The following ERBB4 variants were observed in gnomAD, a reference collection of about 807,000 sequenced individuals.
The protein encoded by ERBB4 is erb-b2 receptor tyrosine kinase 4.
A neutral mutation model predicts 158.0 loss-of-function variants in ERBB4; 42 were observed. The ratio of observed to expected loss-of-function variants is 0.27; its 90% CI spans 0.21 to 0.34. The LOEUF (loss-of-function observed/expected upper bound fraction) is 0.34, where lower values mean the gene tolerates loss of function less well. Among genes scored for constraint, ERBB4 ranks in the 10% least tolerant of loss-of-function variants. The pLI, the probability that ERBB4 is intolerant of heterozygous loss-of-function variation, is 1.00. For missense variants in ERBB4, 1,333 were observed against 1,624.1 expected (o/e 0.82, Z 3.08); for synonymous variants, 583 against 558.7 (o/e 1.04, Z -0.61).
rs1267676755 is a variant in ERBB4, at chr2:211,894,249, G to A, written c.421+53181C>T. Among the ~76,000 whole-genome samples, 92 of 142,272 alleles carry A rather than the reference G, an allele frequency of 6.5e-4. 1 individual carries two copies. The highest frequency in any genetic ancestry group is 1.8e-3 in the African/African-American group (66 of 37,450). The allele number at this position is 142,272 out of a possible 152,430, so 93.3% of individuals were successfully genotyped here. A position where few individuals can be genotyped will look rare whatever the true frequency, so the allele number is the denominator to read the frequency against. On this transcript the variant is annotated intron_variant, in intron 3 of 27. Transcript: ENST00000342788. ...TGCAGCCATAAAAAATGATGAGTTC[G>A]TGTCCTTTGTAGGGACATGGATGAA... is the stretch of plus-strand genomic sequence containing the variant.
Position 211,420,489 on chromosome 2 carries a change from G to A in ERBB4, c.3087C>T (p.Asn1029=). 1 of 1,612,710 alleles carries A rather than the reference G, an allele frequency of 6.2e-7. No homozygotes were observed. The highest frequency in any genetic ancestry group is 8.5e-7 in the Non-Finnish European group (1 of 1,179,028). The part of the protein sequence containing the change: ...AEEYLVPQAF[N]IPPPIYTSRA... Reference sequence around the variant, plus strand: ...TGGAAGTATAGATGGGAGGTGGGATGTTGAAAGCCTGAGGGACCAAGTACT... The same window carrying A: ...TGGAAGTATAGATGGGAGGTGGGATATTGAAAGCCTGAGGGACCAAGTACT... The change falls in exon 25 of 28, where the codon AAC becomes AAT. Residue 1029 remains asparagine, a synonymous_variant. Coordinates refer to ENST00000342788, the MANE Select transcript of ERBB4 (RefSeq NM_005235.3).
At chr2:212,390,529 T>C (rs2090824742) in intron 1 of ERBB4, among the ~76,000 whole-genome samples, 1 of 151,820 alleles carries the variant, frequency 6.6e-6, no homozygotes, top group African/African-American at 2.4e-5. Flanking sequence ...TTGCTTCATT[T>C]ATATTGCTCA....
intron 20 of ERBB4, among the ~76,000 whole-genome samples, chr2:211,495,104 C>CA (rs949354853): frequency 6.6e-6 from 1 of 150,768 alleles, no homozygotes; most frequent in Non-Finnish European, 1.5e-5. Context: ...GAAAAAGTAG[C>CA]AAAAAAAAGT....
chr2:212,068,021 G>A (rs1336447029), intron 2 of ERBB4, among the ~76,000 whole-genome samples: 1 of 152,022 alleles, frequency 6.6e-6, no homozygotes, highest in South Asian at 2.1e-4. Context: ...TAGACTTCTT[G>A]CCTATCTCAT....
At chr2:211,412,542 T>C (rs1459971346) in intron 25 of ERBB4, among the ~76,000 whole-genome samples, 1 of 152,214 alleles carries the variant, frequency 6.6e-6, no homozygotes, top group African/African-American at 2.4e-5. Flanking sequence ...TCAACTAGAA[T>C]ATTAACTCTT....
Position 211,422,856 on chromosome 2 carries a change from A to C in ERBB4, c.2867-752T>G, listed in dbSNP as rs536177543. Among the ~76,000 whole-genome samples, 5 of 151,966 alleles carry C rather than the reference A, an allele frequency of 3.3e-5. No individual in the cohort carries two copies. The East Asian group carries it at 9.6e-4, about 29-fold the overall frequency. On this transcript the variant is annotated intron_variant, in intron 23 of 27. Transcript: ENST00000342788. ...ATGAGTTTAAATCATTTCCTATGCT[A>C]GTTACAGGATTAAATTATATAAGAC...
Position 211,642,801 on chromosome 2 carries a change from C to T in ERBB4, c.1947-12207G>A, listed in dbSNP as rs184985555. ...AACCCTTGAAAGCACATATATCCAA[C>T]AACAATCTCAGAGCTCCCTATATGT... On this transcript the variant is annotated intron_variant, in intron 16 of 27. Transcript: ENST00000342788. Among the ~76,000 whole-genome samples, 56 of 152,148 alleles carry T rather than the reference C, an allele frequency of 3.7e-4. 1 individual carries two copies. In the South Asian group the frequency reaches 3.7e-3, roughly 10 times the overall value.
intron 20 of ERBB4, among the ~76,000 whole-genome samples, chr2:211,499,000 A>G (rs2065546457): frequency 6.6e-6 from 1 of 152,140 alleles, no homozygotes; most frequent in African/African-American, 2.4e-5. Flanking sequence ...CGAAGACAGT[A>G]GCCTCACCTG....
At chr2:211,924,213 C>A (rs2079954738) in intron 3 of ERBB4, among the ~76,000 whole-genome samples, 1 of 152,160 alleles carries the variant, frequency 6.6e-6, no homozygotes, top group South Asian at 2.1e-4. Context: ...CCATAGCACA[C>A]ACTAAAACTT....
At chr2:212,446,914 G>A (rs2106003597) in intron 1 of ERBB4, among the ~76,000 whole-genome samples, 1 of 150,106 alleles carries the variant, frequency 6.7e-6, no homozygotes, top group South Asian at 2.1e-4. Context: ...GAAGTTAATA[G>A]GAGGAAATAA....
intron 2 of ERBB4, among the ~76,000 whole-genome samples, chr2:212,105,337 A>G (rs1349874406): frequency 1.3e-5 from 2 of 152,228 alleles, no homozygotes; most frequent in Non-Finnish European, 2.9e-5. Context: ...AATAGTTTAC[A>G]TAGCACTGAA....
Position 212,446,679 on chromosome 2 carries a change from C to G in ERBB4, c.82+91770G>C, listed in dbSNP as rs575242317. On this transcript the variant is annotated intron_variant, in intron 1 of 27. Transcript: ENST00000342788. ...CCTCTAGAGAACCCTGACTAATACA[C>G]CAGGGTATGTGAAAACTTAGCATAG... Among the ~76,000 whole-genome samples the G allele has an allele frequency of 8.1e-5, 10 of 124,158 alleles. 1 individual carries two copies. The highest frequency in any genetic ancestry group is 1.5e-4 in the Non-Finnish European group (9 of 59,078). The allele number at this position is 124,158 out of a possible 152,430, so 81.5% of individuals were successfully genotyped here. A position where few individuals can be genotyped will look rare whatever the true frequency, so the allele number is the denominator to read the frequency against.
At chr2:211,614,300 T>TAAATA (rs1211326617) in intron 19 of ERBB4, among the ~76,000 whole-genome samples, 1 of 151,834 alleles carries the variant, frequency 6.6e-6, no homozygotes, top group Non-Finnish European at 1.5e-5. Flanking sequence ...TGGGGATGGT[T>TAAATA]AAATAAAATA....
intron 1 of ERBB4, among the ~76,000 whole-genome samples, chr2:212,209,615 C>T (rs574415059): frequency 6.6e-6 from 1 of 152,118 alleles, no homozygotes; most frequent in Admixed American, 6.6e-5. Context: ...TAGTGTTCCC[C>T]CAAAATTCAT....
At chr2:212,055,476 C>G (rs368538081) in intron 2 of ERBB4, among the ~76,000 whole-genome samples, 6 of 152,342 alleles carry the variant, frequency 3.9e-5, no homozygotes, top group African/African-American at 1.2e-4. Context: ...GGATAGACAG[C>G]CCCCTCAAGT....
At chr2:211,865,174 A>C (rs530624876) in intron 3 of ERBB4, among the ~76,000 whole-genome samples, 1 of 151,702 alleles carries the variant, frequency 6.6e-6, no homozygotes, top group South Asian at 2.1e-4. Flanking sequence ...TAAAGTATAT[A>C]TCTATACCTA....
intron 10 of ERBB4, 121 bp from the exon 11 acceptor site, chr2:211,704,315 A>G: frequency 1.4e-6 from 1 of 718,068 alleles, no homozygotes; most frequent in Non-Finnish European, 2.6e-6. Flanking sequence ...GGTAGTGAAC[A>G]TTTCTATTTT....
At chr2:211,422,782 A>G (rs1259252644) in intron 23 of ERBB4, among the ~76,000 whole-genome samples, 2 of 152,046 alleles carry the variant, frequency 1.3e-5, no homozygotes, top group Admixed American at 1.3e-4. Context: ...CCATTAGGGA[A>G]AGTGTTTTCT....
chr2:211,449,204 C>A (rs1052971880), intron 20 of ERBB4, among the ~76,000 whole-genome samples: 4 of 152,080 alleles, frequency 2.6e-5, no homozygotes, highest in Non-Finnish European at 5.9e-5. Flanking sequence ...AGATAAGGTG[C>A]ATTTTCATGT....
Sources: gnomAD v4.1 joint callset for allele counts (sites outside exome capture counted in the v4.1 genomes callset) on GRCh38, gnomAD v4.1.1 for gene constraint, MANE v1.5 for transcripts, NCBI Gene and HGNC (gene_info 2026-07-23, HGNC 2026-07-21) for gene names.